WWOX: variants seen among roughly 807,000 people sequenced by gnomAD.
WWOX encodes WW domain-containing oxidoreductase.
WWOX carries 69 observed loss-of-function variants against 46.2 expected under a neutral mutation model. The observed-to-expected ratio is 1.49, with a 90% CI of 1.23 to 1.82. The LOEUF is 1.82. WWOX is among the 40% of genes most tolerant of loss of function. The probability of loss-of-function intolerance (pLI) is 0.00; values close to 1 mark genes in which losing one functional copy is unlikely to be tolerated. For synonymous variants in WWOX, 359 were observed against 202.6 expected (o/e 1.77, Z -6.56); for missense variants, 919 against 542.6 (o/e 1.69, Z -6.89).
chr16:78,943,672 A>G (rs539398853), intron 8 of WWOX, among the ~76,000 whole-genome samples: 5 of 152,270 alleles, frequency 3.3e-5, no homozygotes, highest in Admixed American at 3.3e-4. Flanking sequence ...AGAGTGTAGG[A>G]CACTGGAAAA....
chr16:78,212,455 C>T (rs1419631833), intron 5 of WWOX, among the ~76,000 whole-genome samples: 6 of 152,150 alleles, frequency 3.9e-5, no homozygotes, highest in African/African-American at 1.2e-4. Flanking sequence ...GGAGGAACAA[C>T]CCCTTCTTTG....
At chr16:78,552,881 G>T (rs746826396) in intron 8 of WWOX, 1 of 152,196 alleles carries the variant, frequency 6.6e-6, no homozygotes, top group African/African-American at 2.4e-5. Context: ...AAGATGGTTT[G>T]TTACTCACAG....
At chr16:78,960,867 C>G (rs1031384477) in intron 8 of WWOX, among the ~76,000 whole-genome samples, 3 of 152,168 alleles carry the variant, frequency 2.0e-5, no homozygotes, top group Admixed American at 6.5e-5. Context: ...TGTATACATA[C>G]ATAGCTCTTT....
At chr16:78,877,902 C>G (rs1401370215) in intron 8 of WWOX, among the ~76,000 whole-genome samples, 1 of 152,154 alleles carries the variant, frequency 6.6e-6, no homozygotes, top group South Asian at 2.1e-4. Context: ...GACTTCAGCG[C>G]CCACAGATAC....
chr16:78,162,425 G>A (rs2034825408), intron 4 of WWOX, among the ~76,000 whole-genome samples: 1 of 151,732 alleles, frequency 6.6e-6, no homozygotes, highest in Non-Finnish European at 1.5e-5. Flanking sequence ...CACACATACA[G>A]ATACACACTC....
At chr16:78,820,579 C>G (rs565365912) in intron 8 of WWOX, among the ~76,000 whole-genome samples, 1 of 152,188 alleles carries the variant, frequency 6.6e-6, no homozygotes, top group South Asian at 2.1e-4. Context: ...ATTAGTGTGG[C>G]CCTTCCTTGA....
intron 5 of WWOX, among the ~76,000 whole-genome samples, chr16:78,275,546 G>A (rs1435038994): frequency 1.3e-5 from 2 of 152,210 alleles, no homozygotes; most frequent in African/African-American, 2.4e-5. Flanking sequence ...TAGCCAGGTG[G>A]AGAGGTTGGG....
intron 8 of WWOX, among the ~76,000 whole-genome samples, chr16:78,856,280 C>G (rs1400129707): frequency 6.6e-6 from 1 of 152,138 alleles, no homozygotes; most frequent in Non-Finnish European, 1.5e-5. Flanking sequence ...TGTTTGTAGG[C>G]AAGTAGGGGC....
At chr16:79,163,094 T>G (rs2050519063) in intron 8 of WWOX, among the ~76,000 whole-genome samples, 1 of 152,218 alleles carries the variant, frequency 6.6e-6, no homozygotes, top group Non-Finnish European at 1.5e-5. Context: ...CAGTGTTTGT[T>G]GACAAGCGAC....
At position 78,595,055 on chromosome 16, in the gene WWOX, T is replaced by TGG. The variant is rs1567668323; in HGVS notation, c.1056+162303_1056+162304insGG. On this transcript the variant is annotated intron_variant, in intron 8 of 8. Transcript: ENST00000566780. ...TTGGGAAAGCACTTTGTCAAGAGGC[T>TGG]TGGGGACCCCAGGGTGGAAGCTGCC... Among the ~76,000 whole-genome samples, 5 of 152,180 alleles carry TGG rather than the reference T, an allele frequency of 3.3e-5. No individual in the cohort carries two copies. In the East Asian group the frequency reaches 5.8e-4, roughly 18 times the overall value.
At chr16:78,280,375 A>G (rs1438482242) in intron 5 of WWOX, among the ~76,000 whole-genome samples, 1 of 152,244 alleles carries the variant, frequency 6.6e-6, no homozygotes. Flanking sequence ...AAAGAATGCA[A>G]TAACTTCTGC....
chr16:78,519,024 G>C (rs2738743), intron 8 of WWOX, among the ~76,000 whole-genome samples: 128,858 of 152,166 alleles, frequency 0.85, 55,265 homozygotes, highest in East Asian at 1. Context: ...GATAGGTCTA[G>C]TTTTTGTTTA....
intron 8 of WWOX, among the ~76,000 whole-genome samples, chr16:79,046,391 G>A (rs1002530193): frequency 6.6e-6 from 1 of 152,146 alleles, no homozygotes; most frequent in Non-Finnish European, 1.5e-5. Flanking sequence ...AGTTCAGGCT[G>A]CTGTGACAAA....
chr16:79,144,729 T>C (rs1222995447), intron 8 of WWOX, among the ~76,000 whole-genome samples: 1 of 152,212 alleles, frequency 6.6e-6, no homozygotes, highest in Non-Finnish European at 1.5e-5. Context: ...TAGTCCTTAA[T>C]TACAGTTTTG....
intron 8 of WWOX, among the ~76,000 whole-genome samples, chr16:79,099,727 G>A (rs945000075): frequency 2.0e-5 from 3 of 152,178 alleles, no homozygotes; most frequent in African/African-American, 7.2e-5. Flanking sequence ...ACTTTTTGCA[G>A]TGTACAAATC....
chr16:78,621,070 C>A (rs922720380), intron 8 of WWOX, among the ~76,000 whole-genome samples: 1 of 152,176 alleles, frequency 6.6e-6, no homozygotes, highest in Non-Finnish European at 1.5e-5. Context: ...AACTTCCTTT[C>A]TCTTCTCCTG....
At chr16:78,721,398 ATTATTC>A (rs571467324) in intron 8 of WWOX, among the ~76,000 whole-genome samples, 135 of 152,264 alleles carry the variant, frequency 8.9e-4, no homozygotes, top group Middle Eastern at 3.4e-3. Flanking sequence ...AGTGACAACA[ATTATTC>A]TTATTGTATG....
intron 8 of WWOX, among the ~76,000 whole-genome samples, chr16:78,674,706 A>G (rs2047549982): frequency 6.6e-6 from 1 of 152,246 alleles, no homozygotes; most frequent in Non-Finnish European, 1.5e-5. Context: ...AAACAAAGAA[A>G]AATAAACAAG....
intron 8 of WWOX, among the ~76,000 whole-genome samples, chr16:79,180,151 A>G (rs539641798): frequency 1.2e-3 from 189 of 152,304 alleles, no homozygotes; most frequent in Non-Finnish European, 2.0e-3. Flanking sequence ...AGTCTTGGTC[A>G]CGGGTACATC....
Sources: gnomAD v4.1 joint callset for allele counts (sites outside exome capture counted in the v4.1 genomes callset) on GRCh38, gnomAD v4.1.1 for gene constraint, MANE v1.5 for transcripts, NCBI Gene and HGNC (gene_info 2026-07-23, HGNC 2026-07-21) for gene names.